The following CA8 variants were observed in gnomAD, a reference collection of about 807,000 sequenced individuals.
The protein encoded by CA8 is carbonic anhydrase 8 (inactive).
In CA8, 22 loss-of-function variants were observed where a neutral mutation model predicts 41.4. The observed-to-expected ratio is 0.53, with a 90% CI of 0.38 to 0.76. The LOEUF is 0.76. CA8 is among the 30% of genes least tolerant of loss of function. The probability of loss-of-function intolerance (pLI) is 0.00; values close to 1 mark genes in which losing one functional copy is unlikely to be tolerated. For missense variants in CA8, 270 were observed against 352.8 expected (o/e 0.77, Z 1.88); for synonymous variants, 121 against 130.6 (o/e 0.93, Z 0.50).
At chr8:60,205,144 T>C (rs1806538458) in intron 8 of CA8, among the ~76,000 whole-genome samples, 1 of 152,134 alleles carries the variant, frequency 6.6e-6, no homozygotes, top group African/African-American at 2.4e-5. Context: ...AATAACCCCA[T>C]TTTTCTGGCT....
chr8:60,280,817 T>C (rs545165610), intron 1 of CA8, among the ~76,000 whole-genome samples: 73 of 152,054 alleles, frequency 4.8e-4, no homozygotes, highest in South Asian at 1.0e-3. Flanking sequence ...TGCGGAAGGC[T>C]CCCGGGTGAG....
At chr8:60,215,918 T>C (rs1445768289) in intron 7 of CA8, among the ~76,000 whole-genome samples, 1 of 152,244 alleles carries the variant, frequency 6.6e-6, no homozygotes, top group Non-Finnish European at 1.5e-5. Context: ...GTGATGCATG[T>C]CAAGATACCA....
intron 2 of CA8, among the ~76,000 whole-genome samples, chr8:60,269,892 C>T (rs573726629): frequency 4.9e-4 from 75 of 152,340 alleles, no homozygotes; most frequent in African/African-American, 1.2e-3. Flanking sequence ...AAGCCAATAA[C>T]AAGCATGAAT....
chr8:60,224,608 C>A lies in CA8; in HGVS notation c.577-23G>T. 2.9e-6 allele frequency: 4 copies of A among 1,372,230 alleles called. No homozygotes were observed. The South Asian group carries it at 4.7e-5, about 16-fold the overall frequency. 85.0% of individuals were successfully genotyped at this position (1,372,230 alleles called of 1,614,324 possible). On this transcript the variant is annotated intron_variant, in intron 5 of 8. Transcript: ENST00000317995. ...CCCCTGAAAAAGAAAAAAATATTTA[C>A]CCAATGTTAATGTAATATTTCTAGA...
intron 4 of CA8, among the ~76,000 whole-genome samples, chr8:60,228,368 G>C (rs1807514391): frequency 6.6e-6 from 1 of 152,226 alleles, no homozygotes; most frequent in Non-Finnish European, 1.5e-5. Context: ...AGGAGAAATG[G>C]ACTTCTCTTT....
At chr8:60,226,582 C>T (rs1367528653) in intron 5 of CA8, among the ~76,000 whole-genome samples, 1 of 152,184 alleles carries the variant, frequency 6.6e-6, no homozygotes, top group Non-Finnish European at 1.5e-5. Flanking sequence ...GTTGTCAACA[C>T]TTCACACATG....
chr8:60,195,013 G>C (rs1159126872), intron 8 of CA8, among the ~76,000 whole-genome samples: 2 of 152,142 alleles, frequency 1.3e-5, no homozygotes, highest in East Asian at 3.8e-4. Flanking sequence ...TTAGTAATCA[G>C]AATACAAATT....
intron 3 of CA8, among the ~76,000 whole-genome samples, chr8:60,254,079 C>A (rs1029359820): frequency 1.3e-5 from 2 of 152,314 alleles, no homozygotes; most frequent in East Asian, 3.9e-4. Context: ...TGTCACTTAA[C>A]CCTTTAATCG....
At chr8:60,243,974 C>T (rs1009536262) in intron 3 of CA8, among the ~76,000 whole-genome samples, 2 of 152,130 alleles carry the variant, frequency 1.3e-5, no homozygotes, top group African/African-American at 2.4e-5. Flanking sequence ...ATTTCTGTCC[C>T]GAGACCATAT....
At chr8:60,199,408 T>C (rs977289036) in intron 8 of CA8, among the ~76,000 whole-genome samples, 1 of 152,180 alleles carries the variant, frequency 6.6e-6, no homozygotes, top group African/African-American at 2.4e-5. Flanking sequence ...GCTCCTAAGA[T>C]GTCTCTGAAA....
In CA8 at chr8:60,281,099, C is replaced by T; in HGVS notation, c.49G>A (p.Glu17Lys). The change falls in exon 1 of 9, where the codon GAA becomes AAA. Residue 17 changes from glutamate (E) to lysine (K), a missense_variant. Glu to Lys is a moderately conservative substitution (Grantham distance 56). This residue lies in a region of CA8 where 123 missense variants were observed against 136.8 expected (regional missense o/e 0.90). Transcript: ENST00000317995. ...IEDTVAFPEKEEDEEEEEEGV... is the reference protein window; with the variant it reads ...IEDTVAFPEKKEDEEEEEEGV... ...TCCTCTTCTTCCTCCTCATCCTCTTCCTTCTCGGGGAAGGCGACGGTATCT... is the reference window on the plus strand; with the variant it reads ...TCCTCTTCTTCCTCCTCATCCTCTTTCTTCTCGGGGAAGGCGACGGTATCT... 2 of 1,607,906 alleles carry T rather than the reference C, an allele frequency of 1.2e-6. No homozygotes were observed. Among genetic ancestry groups the T allele is most frequent in the Non-Finnish European group, 1.7e-6 (2 of 1,178,194 alleles).
intron 3 of CA8, among the ~76,000 whole-genome samples, chr8:60,244,233 G>A (rs781174142): frequency 5.9e-5 from 9 of 152,100 alleles, no homozygotes; most frequent in Non-Finnish European, 8.8e-5. Context: ...CCCATCACCA[G>A]TGCCTTAGTT....
At chr8:60,264,365 C>T (rs1803831950) in intron 3 of CA8, among the ~76,000 whole-genome samples, 1 of 152,228 alleles carries the variant, frequency 6.6e-6, no homozygotes, top group Non-Finnish European at 1.5e-5. Context: ...GCCTTTCAAA[C>T]CCAAAGAGGG....
At chr8:60,265,795 T>C in intron 3 of CA8, 130 bp downstream of exon 3, 2 of 1,054,686 alleles carry the variant, frequency 1.9e-6, no homozygotes, top group Non-Finnish European at 2.8e-6. Flanking sequence ...TTAAGCATTT[T>C]TTAAATTTTA....
rs542525622 is a variant in CA8 at position 60,212,766 on chromosome 8, A to C, written c.739-3847T>G. Among the ~76,000 whole-genome samples, 8 of 152,356 alleles carry C rather than the reference A, an allele frequency of 5.3e-5. No homozygotes were observed. The South Asian group carries it at 1.4e-3, about 28-fold the overall frequency. On this transcript the variant is annotated intron_variant, in intron 7 of 8. Transcript: ENST00000317995. ...TAACAATACTGCATTGTACACTTTA[A>C]AATGCTAAGATGGTAGATCTTATGT... is the stretch of plus-strand genomic sequence containing the variant.
rs563260948 is a variant in CA8 at position 60,275,469 on chromosome 8, A to T, written c.292+4220T>A. ...AATACTGGATGTTGTATTTTTTTTA[A>T]AAAAAAAGGTTTTTAATTGCAGCGT... On this transcript the variant is annotated intron_variant, in intron 2 of 8. Transcript: ENST00000317995. Among the ~76,000 whole-genome samples, 797 of 151,718 alleles carry T rather than the reference A, an allele frequency of 5.3e-3. 10 individuals carry two copies. Among genetic ancestry groups the T allele is most frequent in the Non-Finnish European group, 4.8e-3 (323 of 67,920 alleles).
At chr8:60,224,713 T>G (rs1450311694) in intron 5 of CA8, 128 bp from the exon 6 acceptor site, 1 of 664,236 alleles carries the variant, frequency 1.5e-6, no homozygotes, top group African/African-American at 1.8e-5. Flanking sequence ...CCCACAGACT[T>G]GTGGGTATCT....
At chr8:60,270,203 G>T (rs1365164725) in intron 2 of CA8, among the ~76,000 whole-genome samples, 10 of 152,166 alleles carry the variant, frequency 6.6e-5, no homozygotes, top group African/African-American at 2.4e-4. Flanking sequence ...TATTCGTGCA[G>T]TATCTGCACA....
intron 3 of CA8, among the ~76,000 whole-genome samples, chr8:60,256,227 T>C (rs1333495529): frequency 2.0e-5 from 3 of 152,196 alleles, no homozygotes; most frequent in Non-Finnish European, 4.4e-5. Context: ...TTAATTTTTA[T>C]AGTCTCTTCC....
Sources: allele counts gnomAD v4.1 joint callset (sites outside exome capture counted in the v4.1 genomes callset), GRCh38; gene constraint gnomAD v4.1.1; regional missense constraint gnomAD v4.1.1; transcripts MANE v1.5; gene names NCBI Gene and HGNC (gene_info 2026-07-23, HGNC 2026-07-21).